The following MCC variants were observed in gnomAD, a reference collection of about 807,000 sequenced individuals.
The protein encoded by MCC is colorectal mutant cancer protein.
In MCC, 90 loss-of-function variants were observed where a neutral mutation model predicts 116.2. The observed-to-expected ratio is 0.77, with a 90% CI of 0.65 to 0.92. The LOEUF (loss-of-function observed/expected upper bound fraction) is 0.92, where lower values mean the gene tolerates loss of function less well. Among genes scored for constraint, MCC ranks in the 40% least tolerant of loss-of-function variants. The pLI, the probability that MCC is intolerant of heterozygous loss-of-function variation, is 0.00. For missense variants in MCC, 1,516 were observed against 1,312.2 expected (o/e 1.16, Z -2.40); for synonymous variants, 578 against 510.5 (o/e 1.13, Z -1.78).
intron 3 of MCC, among the ~76,000 whole-genome samples, chr5:113,172,437 T>A (rs947529819): frequency 2.0e-5 from 3 of 152,046 alleles, no homozygotes; most frequent in Admixed American, 6.6e-5. Context: ...AGTTGCTATT[T>A]CCTATAGCTT....
chr5:113,358,720 A>G (rs753186304), intron 2 of MCC, among the ~76,000 whole-genome samples: 2 of 152,182 alleles, frequency 1.3e-5, no homozygotes, highest in Non-Finnish European at 2.9e-5. Context: ...ATTTTAACAA[A>G]TTGGCTGCCA....
chr5:113,242,541 T>C (rs1173863932), intron 3 of MCC, among the ~76,000 whole-genome samples: 1 of 152,138 alleles, frequency 6.6e-6, no homozygotes, highest in Admixed American at 6.5e-5. Flanking sequence ...ATTATTAGTT[T>C]TTTTTTTAAT....
intron 5 of MCC, among the ~76,000 whole-genome samples, chr5:113,132,417 TACACACATAC>T (rs1322129335): frequency 8.2e-6 from 1 of 121,278 alleles, no homozygotes; most frequent in African/African-American, 3.5e-5. Flanking sequence ...CATATATATA[TACACACATAC>T]ATATATATAT....
chr5:113,076,169 A>C (rs1754440747), intron 11 of MCC, among the ~76,000 whole-genome samples: 1 of 152,246 alleles, frequency 6.6e-6, no homozygotes, highest in Non-Finnish European at 1.5e-5. Flanking sequence ...TGAAAAGACC[A>C]AATCTACATC....
chr5:113,433,662 G>A (rs773100109), intron 1 of MCC: 27 of 1,507,142 alleles, frequency 1.8e-5, no homozygotes, highest in Non-Finnish European at 2.2e-5. Flanking sequence ...TCCTTCTCTG[G>A]CTCCACCCTT....
At position 113,114,064 on chromosome 5, in the gene MCC, C is replaced by T. The variant is rs955502625; in HGVS notation, c.1027+8620G>A. Among the ~76,000 whole-genome samples, 3 of 150,412 alleles carry T rather than the reference C, an allele frequency of 2.0e-5. No homozygotes were observed. The South Asian group carries it at 6.2e-4, about 31-fold the overall frequency. ...GCCTTTAGGGGGTGAAGCATCATGG[C>T]ATCTGCAACTTTTAAATGGCTTAGA... On this transcript the variant is annotated intron_variant, in intron 6 of 18. Transcript: ENST00000408903.
intron 1 of MCC, among the ~76,000 whole-genome samples, chr5:113,483,662 T>C (rs938967750): frequency 6.6e-6 from 1 of 151,968 alleles, no homozygotes; most frequent in African/African-American, 2.4e-5. Context: ...AAGACAGAAA[T>C]ACCATTCAAC....
chr5:113,293,240 C>G (rs1766578296), intron 3 of MCC, among the ~76,000 whole-genome samples: 1 of 147,366 alleles, frequency 6.8e-6, no homozygotes, highest in African/African-American at 2.7e-5. Context: ...TGTTCCCTCA[C>G]ACACACACAC....
chr5:113,447,889 A>G (rs1159607038), intron 1 of MCC, among the ~76,000 whole-genome samples: 1 of 152,016 alleles, frequency 6.6e-6, no homozygotes, highest in Non-Finnish European at 1.5e-5. Flanking sequence ...CAGCTGCCTC[A>G]TTCTTGGGCA....
chr5:113,390,748 T>C (rs1008406401), intron 1 of MCC, among the ~76,000 whole-genome samples: 18 of 152,134 alleles, frequency 1.2e-4, no homozygotes, highest in African/African-American at 4.3e-4. Flanking sequence ...CCAAACCCAG[T>C]TGGAATGAGG....
chr5:113,072,746 T>A (rs1460481884), intron 11 of MCC, among the ~76,000 whole-genome samples: 1 of 152,212 alleles, frequency 6.6e-6, no homozygotes, highest in Non-Finnish European at 1.5e-5. Context: ...CTAGGGGTGA[T>A]TTCTATCCAG....
At chr5:113,189,703 G>C (rs1311438451) in intron 3 of MCC, among the ~76,000 whole-genome samples, 1 of 152,214 alleles carries the variant, frequency 6.6e-6, no homozygotes, top group Non-Finnish European at 1.5e-5. Context: ...CTGGCTCCAA[G>C]TGCTCAGAGT....
intron 6 of MCC, among the ~76,000 whole-genome samples, chr5:113,110,319 C>T (rs562961264): frequency 8.5e-5 from 13 of 152,326 alleles, no homozygotes; most frequent in Admixed American, 2.0e-4. Context: ...GAGGCTGACA[C>T]AGCAGAGGGC....
At chr5:113,363,337 A>G (rs1399094631) in intron 2 of MCC, among the ~76,000 whole-genome samples, 4 of 152,210 alleles carry the variant, frequency 2.6e-5, no homozygotes, top group Admixed American at 6.5e-5. Flanking sequence ...TATAAAGAAG[A>G]AATTTAATTG....
At chr5:113,449,795 G>A (rs1262809284) in intron 1 of MCC, among the ~76,000 whole-genome samples, 1 of 152,150 alleles carries the variant, frequency 6.6e-6, no homozygotes, top group Non-Finnish European at 1.5e-5. Flanking sequence ...GGGCACATTT[G>A]TCTAAACTGA....
rs201222440 is a variant in MCC, at chr5:113,153,539, A to AG, written c.628-2118dup. 1.9e-3 allele frequency among the ~76,000 whole-genome samples: 289 copies of AG among 152,318 alleles called. 1 individual carries two copies. The East Asian group carries it at 0.027, about 14-fold the overall frequency. Reference sequence around the variant, plus strand: ...TCCAGGAAGAGCTGTCAGATGCCCAAGGGGGCAGGTCCCTTCACTTCTCTG... The same window carrying AG: ...TCCAGGAAGAGCTGTCAGATGCCCAAGGGGGGCAGGTCCCTTCACTTCTCTG... On this transcript the variant is annotated intron_variant, in intron 3 of 18. Transcript: ENST00000408903.
At position 113,059,944 on chromosome 5, in the gene MCC, C is replaced by G. The variant is rs575291804; in HGVS notation, c.2213+4040G>C. Among the ~76,000 whole-genome samples the G allele has an allele frequency of 1.7e-4, 26 of 152,326 alleles. No individual in the cohort carries two copies. In the South Asian group the frequency reaches 5.4e-3, roughly 32 times the overall value. On this transcript the variant is annotated intron_variant, in intron 14 of 18. Transcript: ENST00000408903. ...TCTATCCCTCTCCACCATGCCCCACCTCTGTCCTCAAGACAGTCCCCCAGC... is the reference window on the plus strand; with the variant it reads ...TCTATCCCTCTCCACCATGCCCCACGTCTGTCCTCAAGACAGTCCCCCAGC...
chr5:113,033,929 A>AG (rs1270197103), intron 17 of MCC, among the ~76,000 whole-genome samples: 1 of 152,224 alleles, frequency 6.6e-6, no homozygotes, highest in Non-Finnish European at 1.5e-5. Flanking sequence ...TCTGTCATCC[A>AG]GGCTGGAGTA....
At chr5:113,106,578 T>C (rs2150258152) in intron 6 of MCC, among the ~76,000 whole-genome samples, 1 of 152,322 alleles carries the variant, frequency 6.6e-6, no homozygotes, top group South Asian at 2.1e-4. Flanking sequence ...TCTTGCTCTG[T>C]TGCATAGGCT....
Sources: gnomAD v4.1 joint callset for allele counts (sites outside exome capture counted in the v4.1 genomes callset) on GRCh38, gnomAD v4.1.1 for gene constraint, MANE v1.5 for transcripts, NCBI Gene and HGNC (gene_info 2026-07-23, HGNC 2026-07-21) for gene names.